Variants in VPS41 observed in about 807,000 individuals in gnomAD.
The protein encoded by VPS41 is VPS41 subunit of HOPS complex, also known as vacuolar protein sorting-associated protein 41 homolog.
Under a neutral mutation model 130.9 loss-of-function variants are expected in VPS41, and 85 were observed. That is an observed-to-expected ratio of 0.65 (90% CI 0.55 to 0.78). VPS41 has a LOEUF of 0.78. Among genes scored for constraint, VPS41 ranks in the 30% least tolerant of loss-of-function variants. VPS41 has a pLI of 0.00. For synonymous variants in VPS41, 335 were observed against 332.9 expected, an observed-to-expected ratio of 1.01 and a Z score of -0.07; for missense variants, 874 against 1,018.7, an observed-to-expected ratio of 0.86 and a Z score of 1.93.
At chr7:38,880,636 G>A (rs1394370897) in intron 2 of VPS41, among the ~76,000 whole-genome samples, 2 of 152,158 alleles carry the variant, frequency 1.3e-5, no homozygotes, top group African/African-American at 4.8e-5. Flanking sequence ...CAGGTCTTTG[G>A]GGAAAACAGT....
intron 2 of VPS41, among the ~76,000 whole-genome samples, chr7:38,888,237 T>C (rs1786778459): frequency 6.6e-6 from 1 of 151,836 alleles, no homozygotes; most frequent in African/African-American, 2.4e-5. Flanking sequence ...AGACGCAAAC[T>C]GGATAGAGTC....
intron 11 of VPS41, chr7:38,775,544 C>T (rs183650792): frequency 2.0e-5 from 3 of 151,910 alleles, no homozygotes; most frequent in African/African-American, 4.9e-5. Context: ...CTATTTACTC[C>T]CCCAGGAGCC....
At chr7:38,826,508 A>G (rs1785282279) in intron 5 of VPS41, among the ~76,000 whole-genome samples, 1 of 152,208 alleles carries the variant, frequency 6.6e-6, no homozygotes, top group African/African-American at 2.4e-5. Context: ...GAGCAGAAAA[A>G]CAGGAAGATG....
Position 38,830,389 on chromosome 7 carries a change from T to C in VPS41, c.247-61A>G, listed in dbSNP as rs574132884. 23 of 986,968 alleles carry C rather than the reference T, an allele frequency of 2.3e-5. No homozygotes were observed. The East Asian group carries it at 4.8e-4, about 20-fold the overall frequency. The allele number at this position is 986,968 out of a possible 1,614,324, so 61.1% of individuals were successfully genotyped here. ...CAGGAAAATATATATCAACAATCAA[T>C]GTCTTTGCTCTTTGTAAAATAGTAA... On this transcript the variant is annotated intron_variant, in intron 4 of 28. Transcript: ENST00000310301.
chr7:38,787,625 T>A (rs934108192), intron 10 of VPS41, among the ~76,000 whole-genome samples: 1 of 152,172 alleles, frequency 6.6e-6, no homozygotes, highest in Non-Finnish European at 1.5e-5. Flanking sequence ...CAGAAAGAGT[T>A]ATAAACAATT....
At chr7:38,764,971 G>A (rs570571401) in intron 16 of VPS41, among the ~76,000 whole-genome samples, 2 of 152,210 alleles carry the variant, frequency 1.3e-5, no homozygotes, top group East Asian at 3.9e-4. Context: ...GCAGACAGGA[G>A]GAGTCACACG....
At chr7:38,844,791 T>C (rs528258729) in intron 4 of VPS41, among the ~76,000 whole-genome samples, 2 of 152,298 alleles carry the variant, frequency 1.3e-5, no homozygotes, top group Admixed American at 1.3e-4. Context: ...TGTAAACTTA[T>C]GAGACCATAG....
rs111936383 is a variant in VPS41, at chr7:38,880,711, T to C, written c.61-11458A>G. 6.1e-3 allele frequency among the ~76,000 whole-genome samples: 936 copies of C among 152,346 alleles called. 7 individuals are homozygous for C. Among genetic ancestry groups the C allele is most frequent in the Middle Eastern group, 0.024 (7 of 294 alleles). On this transcript the variant is annotated intron_variant, in intron 2 of 28. Coordinates refer to ENST00000310301, the MANE Select transcript of VPS41 (RefSeq NM_014396.4). ...GTGAATCTCTGTATTTAAAAACGGC[T>C]GCACTGAAACTGAAATAGCTCATGG... is the stretch of plus-strand genomic sequence containing the variant.
intron 3 of VPS41, among the ~76,000 whole-genome samples, chr7:38,864,793 A>G (rs1033951416): frequency 3.3e-5 from 5 of 151,978 alleles, no homozygotes; most frequent in African/African-American, 4.8e-5. Context: ...TGTACTTAAA[A>G]TTCAAGATGG....
Position 38,907,181 on chromosome 7 carries a change from G to A in VPS41, c.21+1973C>T, listed in dbSNP as rs115728378. On this transcript the variant is annotated intron_variant, in intron 1 of 28. Coordinates refer to ENST00000310301, the MANE Select transcript of VPS41 (RefSeq NM_014396.4). ...TTTCAAAGCATGGTCAGGGAAGGTC[G>A]CAATGAAAAAGAACACTTGGACAAA... is the stretch of plus-strand genomic sequence containing the variant. Among the ~76,000 whole-genome samples, 754 of 152,202 alleles carry A rather than the reference G, an allele frequency of 5.0e-3. 5 individuals are homozygous for A. The highest frequency in any genetic ancestry group is 0.018 in the African/African-American group (727 of 41,520).
At chr7:38,796,527 C>T in intron 8 of VPS41, 2 of 697,212 alleles carry the variant, frequency 2.9e-6, no homozygotes, top group East Asian at 6.2e-5. Flanking sequence ...GTTTCTTACT[C>T]TAAAATAGAT....
intron 2 of VPS41, among the ~76,000 whole-genome samples, chr7:38,894,457 G>T (rs761131766): frequency 2.6e-5 from 4 of 151,812 alleles, no homozygotes; most frequent in Non-Finnish European, 5.9e-5. Flanking sequence ...CTAGGGTTGG[G>T]GGGAAGTGGG....
At chr7:38,760,080 A>T (rs950044917) in intron 17 of VPS41, among the ~76,000 whole-genome samples, 3 of 151,968 alleles carry the variant, frequency 2.0e-5, no homozygotes, top group African/African-American at 2.4e-5. Flanking sequence ...CCCCGATTTG[A>T]TCCTGTTTCC....
chr7:38,805,991 C>T (rs1784833120), intron 7 of VPS41, among the ~76,000 whole-genome samples: 1 of 152,100 alleles, frequency 6.6e-6, no homozygotes, highest in South Asian at 2.1e-4. Context: ...AAAAGCTGCC[C>T]TGAGCAAGGA....
chr7:38,874,873 T>C (rs1162973667), intron 2 of VPS41, among the ~76,000 whole-genome samples: 1 of 152,128 alleles, frequency 6.6e-6, no homozygotes, highest in Non-Finnish European at 1.5e-5. Context: ...CCTTACAAGC[T>C]TAACATATAA....
intron 19 of VPS41, among the ~76,000 whole-genome samples, chr7:38,755,388 T>C (rs183338200): frequency 2.0e-4 from 31 of 152,324 alleles, no homozygotes; most frequent in Non-Finnish European, 4.0e-4. Context: ...GCTGGTTTTA[T>C]GAGGAGAAGG....
In VPS41 at chr7:38,765,809, C is replaced by T. The variant is rs138295929; in HGVS notation, c.1248-148G>A. ...GATGAATTTCTATCTCAAGTACCAACGAACATAAAGATATTACTGTTACTC... is the reference window on the plus strand; with the variant it reads ...GATGAATTTCTATCTCAAGTACCAATGAACATAAAGATATTACTGTTACTC... On this transcript the variant is annotated intron_variant, in intron 15 of 28. Transcript: ENST00000310301. 1.3e-3 allele frequency: 713 copies of T among 546,662 alleles called. 4 individuals carry two copies. Among genetic ancestry groups the T allele is most frequent in the African/African-American group, 0.012 (597 of 51,752 alleles). The allele number at this position is 546,662 out of a possible 1,614,324, so 33.9% of individuals were successfully genotyped here.
At chr7:38,770,071 A>G (rs1398232109) in intron 14 of VPS41, among the ~76,000 whole-genome samples, 1 of 152,150 alleles carries the variant, frequency 6.6e-6, no homozygotes, top group East Asian at 1.9e-4. Flanking sequence ...GGAGTTCAAG[A>G]CCAGCCTGAC....
chr7:38,748,012 T>C (rs919265833), intron 22 of VPS41, among the ~76,000 whole-genome samples: 3 of 152,260 alleles, frequency 2.0e-5, no homozygotes, highest in African/African-American at 7.2e-5. Context: ...TAATTTTAGA[T>C]GTTTCATGAT....
Sources: gnomAD v4.1 joint callset for allele counts (sites outside exome capture counted in the v4.1 genomes callset) on GRCh38, gnomAD v4.1.1 for gene constraint, MANE v1.5 for transcripts, NCBI Gene and HGNC (gene_info 2026-07-23, HGNC 2026-07-21) for gene names.